PHRF1: variants seen among roughly 807,000 people sequenced by gnomAD.
The protein encoded by PHRF1 is PHD and RING finger domain-containing protein 1.
In PHRF1, 53 loss-of-function variants were observed where a neutral mutation model predicts 128.9. That is an observed-to-expected ratio of 0.41 (90% CI 0.33 to 0.52). PHRF1 has a LOEUF of 0.52. Among genes scored for constraint, PHRF1 ranks in the 20% least tolerant of loss-of-function variants. The pLI is 0.21. For synonymous variants in PHRF1, 1,178 were observed against 980.6 expected (o/e 1.20, Z -3.76); for missense variants, 2,503 against 2,284.5 (o/e 1.10, Z -1.95).
At chr11:610,378 G>A (rs376643721) in intron 15 of PHRF1, 31 bp downstream of exon 15, 15 of 1,539,738 alleles carry the variant, frequency 9.7e-6, no homozygotes, top group Admixed American at 3.9e-5. Flanking sequence ...GCTGTGGGCC[G>A]TGGGCAGTGG....
rs755207211 is a variant in PHRF1 at position 581,981 on chromosome 11, C to G, written c.114C>G (p.Ser38Arg). The change falls in exon 3 of 18, where the codon AGC (serine) becomes AGG (arginine). Residue 38 changes from serine (S) to arginine (R), a missense_variant. Coordinates refer to ENST00000264555, the MANE Select transcript of PHRF1 (RefSeq NM_001286581.2). ...GTCTAGAAGAAAGCAGCGTGGGCAG[C>G]AGTGGGGACTCTGGGGACGACAGTG... ...AGDFEESSVG[S>R]SGDSGDDSDS... The G allele has an allele frequency of 3.0e-5, 48 of 1,604,546 alleles. 1 individual carries two copies. The highest frequency in any genetic ancestry group is 4.1e-5 in the Non-Finnish European group (48 of 1,175,768).
chr11:579,242 C>T (rs1036289143), intron 1 of PHRF1, among the ~76,000 whole-genome samples: 1 of 152,086 alleles, frequency 6.6e-6, no homozygotes, highest in African/African-American at 2.4e-5. Context: ...GCTCCTCCCC[C>T]CAGCCCTGCT....
chr11:593,626 T>G (rs1041051673), intron 6 of PHRF1, among the ~76,000 whole-genome samples: 1 of 152,228 alleles, frequency 6.6e-6, no homozygotes, highest in Non-Finnish European at 1.5e-5. Context: ...GGCTGTCCTT[T>G]TGCAGACACT....
In PHRF1 at chr11:608,839, G is replaced by T. The variant is rs367747625; in HGVS notation, c.3383G>T (p.Ser1128Ile). The T allele has an allele frequency of 1.0e-4, 168 of 1,612,272 alleles. No homozygotes were observed. Among genetic ancestry groups the T allele is most frequent in the Admixed American group, 3.7e-4 (22 of 60,010 alleles). The change falls in exon 14 of 18, where the codon AGC (serine) becomes ATC (isoleucine). Residue 1128 changes from serine to isoleucine, a missense_variant. Physicochemically the swap from Ser to Ile is moderately radical, Grantham distance 142 (BLOSUM62 -2). Transcript: ENST00000264555. The part of the protein sequence containing the change: ...PRGRECSPTS[S>I]LERLCRHKHQ... ...GGAAGGGAGTGCTCCCCCACCAGCA[G>T]CCTGGAGAGGCTCTGCAGGCACAAG...
At chr11:586,277 G>C (rs2132886111) in intron 3 of PHRF1, among the ~76,000 whole-genome samples, 1 of 152,356 alleles carries the variant, frequency 6.6e-6, no homozygotes, top group South Asian at 2.1e-4. Flanking sequence ...ACAGGCGTGA[G>C]CCACCACGCC....
chr11:595,719 G>C (rs1004264922), intron 6 of PHRF1, among the ~76,000 whole-genome samples: 2 of 152,246 alleles, frequency 1.3e-5, no homozygotes, highest in Non-Finnish European at 2.9e-5. Flanking sequence ...CAGGTGAGCC[G>C]CAGCCTCCTC....
intron 17 of PHRF1, 64 bp from the exon 18 acceptor site, chr11:611,570 C>T: frequency 6.2e-7 from 1 of 1,606,490 alleles, no homozygotes; most frequent in Non-Finnish European, 8.5e-7. Context: ...AGCTTTGGCC[C>T]TGGGCTCTGG....
chr11:610,769 C>T lies in PHRF1; in HGVS notation c.4677+8C>T. 2 of 1,598,428 alleles carry T rather than the reference C, an allele frequency of 1.3e-6. No homozygotes were observed. Among genetic ancestry groups the T allele is most frequent in the Non-Finnish European group, 1.7e-6 (2 of 1,177,416 alleles). On this transcript the variant is annotated splice_region_variant and intron_variant, in intron 16 of 17. Transcript: ENST00000264555. ...AAAACCAAGAAGGAGGAGGTGAGTC[C>T]TGCCTCCTCCCACTTTCCCCATGTT...
At position 601,591 on chromosome 11, in the gene PHRF1, C is replaced by A. The variant is rs867774477; in HGVS notation, c.1042C>A (p.Pro348Thr). 6.2e-7 allele frequency: 1 copy of A among 1,613,564 alleles called. No homozygotes were observed. The highest frequency in any genetic ancestry group is 8.5e-7 in the Non-Finnish European group (1 of 1,179,872). ...TTCCTTAGGAAGACGGAAGAAAGTG[C>A]CGGGAAGAAAGAAAACCCCGTCCGG... ...KRKTRRRKKV[P>T]GRKKTPSGPS... The change falls in exon 10 of 18, where the codon CCG (proline) becomes ACG (threonine). Residue 348 changes from proline to threonine, a missense_variant. By Grantham distance (38) the Pro-to-Thr change is conservative. Coordinates refer to ENST00000264555, the MANE Select transcript of PHRF1 (RefSeq NM_001286581.2).
intron 1 of PHRF1, among the ~76,000 whole-genome samples, chr11:578,959 C>T (rs900908665): frequency 6.6e-6 from 1 of 152,158 alleles, no homozygotes; most frequent in South Asian, 2.1e-4. Context: ...AAGCAATTCT[C>T]CTCCGGAGTA....
chr11:602,898 GATT>G (rs1340054796), intron 10 of PHRF1, among the ~76,000 whole-genome samples: 1 of 151,672 alleles, frequency 6.6e-6, no homozygotes, highest in Non-Finnish European at 1.5e-5. Context: ...GAGTCGCTGG[GATT>G]ATAGGCGTGT....
chr11:579,247 C>CCTGCTCCTCCCCCCAGCT (rs1854067658), intron 1 of PHRF1, among the ~76,000 whole-genome samples: 2 of 152,104 alleles, frequency 1.3e-5, no homozygotes, highest in African/African-American at 4.8e-5. Context: ...TCCCCCCAGC[C>CCTGCTCCTCCCCCCAGCT]CTGCTCCTCC....
chr11:602,615 A>T (rs548428813), intron 10 of PHRF1, among the ~76,000 whole-genome samples: 22 of 151,890 alleles, frequency 1.4e-4, no homozygotes, highest in Non-Finnish European at 3.2e-4. Flanking sequence ...TGGGAGGCAG[A>T]GGTTGCAGTG....
chr11:598,480 C>G lies in PHRF1; in HGVS notation c.1002C>G (p.Pro334=), dbSNP rs367670551. The G allele has an allele frequency of 5.5e-4, 883 of 1,609,668 alleles. 1 individual carries two copies. The highest frequency in any genetic ancestry group is 6.9e-4 in the Non-Finnish European group (811 of 1,179,462). The stretch of plus-strand genomic sequence containing the variant: ...AGCGCCCCCTGACGCCGCGCACTCC[C>G]GCCCGACGGAAGAGGAAGACAAGTA... ...VYQRPLTPRT[P]ARRKRKTRRR... The change falls in exon 9 of 18, where the codon CCC becomes CCG. Residue 334 remains proline (P), a synonymous_variant. Transcript: ENST00000264555.
In PHRF1 at chr11:607,216, G is replaced by T; in HGVS notation, c.1760G>T (p.Gly587Val). Residue 587 changes from glycine (G) to valine (V), a missense_variant, in exon 14 of 18, where the codon GGC becomes GTC. Coordinates refer to ENST00000264555, the MANE Select transcript of PHRF1 (RefSeq NM_001286581.2). ...CAGAGCACAGGGCTCAGCTGTCAAG[G>T]CAGGTCCCGCACCCCCGCCCGCACC... ...RPQSTGLSCQGRSRTPARTAG... is the reference protein window; with the variant it reads ...RPQSTGLSCQVRSRTPARTAG... The T allele has an allele frequency of 6.2e-7, 1 of 1,612,422 alleles. No homozygotes were observed. The highest frequency in any genetic ancestry group is 8.5e-7 in the Non-Finnish European group (1 of 1,179,726).
chr11:590,168 TG>T (rs1301391980), intron 4 of PHRF1, among the ~76,000 whole-genome samples: 14 of 152,176 alleles, frequency 9.2e-5, no homozygotes, highest in Admixed American at 9.2e-4. Flanking sequence ...AGTCCCACCA[TG>T]GGGGGTGCTG....
At chr11:581,400 G>A in intron 1 of PHRF1, 92 bp from the exon 2 acceptor site, 1 of 1,020,028 alleles carries the variant, frequency 9.8e-7, no homozygotes, top group Non-Finnish European at 1.5e-6. Context: ...TGTGACACGG[G>A]GATGTGGCCT....
intron 3 of PHRF1, among the ~76,000 whole-genome samples, chr11:583,302 A>G (rs978846399): frequency 4.6e-5 from 7 of 151,990 alleles, no homozygotes; most frequent in African/African-American, 1.7e-4. Flanking sequence ...TCGCCACTGC[A>G]CTCCAGCCTG....
intron 16 of PHRF1, 58 bp from the exon 17 acceptor site, chr11:610,896 C>G: frequency 5.0e-6 from 8 of 1,599,222 alleles, no homozygotes; most frequent in Non-Finnish European, 6.8e-6. Flanking sequence ...CACAGTGCCT[C>G]TGGCCAGAGG....
Sources: gnomAD v4.1 joint callset for allele counts (sites outside exome capture counted in the v4.1 genomes callset) on GRCh38, gnomAD v4.1.1 for gene constraint, MANE v1.5 for transcripts, NCBI Gene and HGNC (gene_info 2026-07-23, HGNC 2026-07-21) for gene names.